DSCAML1: variants seen among roughly 807,000 people sequenced by gnomAD.
DSCAML1 encodes the protein cell adhesion molecule DSCAML1.
Under a neutral mutation model 200.5 loss-of-function variants are expected in DSCAML1, and 38 were observed. The ratio of observed to expected loss-of-function variants is 0.19; its 90% CI spans 0.15 to 0.25. The LOEUF (loss-of-function observed/expected upper bound fraction) is 0.25. DSCAML1 is among the 10% of genes least tolerant of loss of function. DSCAML1 has a pLI of 1.00. For synonymous variants in DSCAML1, 1,215 were observed against 1,165.0 expected (o/e 1.04, Z -0.87); for missense variants, 2,223 against 2,858.8 (o/e 0.78, Z 5.07).
At chr11:117,583,987 C>T (rs563324474) in intron 3 of DSCAML1, among the ~76,000 whole-genome samples, 2 of 152,328 alleles carry the variant, frequency 1.3e-5, no homozygotes, top group South Asian at 2.1e-4. Flanking sequence ...TACCCCTGTA[C>T]ACGGCCTGCA....
Position 117,481,279 on chromosome 11 carries a change from C to T in DSCAML1, c.2560-9G>A, listed in dbSNP as rs763784875. On this transcript the variant is annotated splice_polypyrimidine_tract_variant and intron_variant, in intron 12 of 32. Transcript: ENST00000651296. ...CGGTCAGCGGGCTTGAGCTGGGAGA[C>T]CACCAGCAGGGGCAGGAGAGGGAGT... is the stretch of plus-strand genomic sequence containing the variant. The T allele has an allele frequency of 6.9e-5, 111 of 1,613,340 alleles. No individual in the cohort carries two copies. The Admixed American group carries it at 1.8e-3, about 26-fold the overall frequency.
At chr11:117,750,003 T>C (rs967913889) in intron 3 of DSCAML1, among the ~76,000 whole-genome samples, 4 of 152,210 alleles carry the variant, frequency 2.6e-5, no homozygotes, top group Admixed American at 6.5e-5. Flanking sequence ...TAGGATTTGA[T>C]CTGGGTGATG....
chr11:117,441,693 C>G (rs986481669), intron 21 of DSCAML1, among the ~76,000 whole-genome samples: 1 of 151,954 alleles, frequency 6.6e-6, no homozygotes, highest in African/African-American at 2.4e-5. Context: ...AGTGAGGGAG[C>G]AGCTGAGAGG....
At chr11:117,726,188 T>A (rs1004909737) in intron 3 of DSCAML1, among the ~76,000 whole-genome samples, 5 of 152,192 alleles carry the variant, frequency 3.3e-5, no homozygotes, top group African/African-American at 1.2e-4. Flanking sequence ...CTCAGTTTCC[T>A]CATCTAGAAA....
At chr11:117,770,156 ATCC>A (rs2055011417) in intron 3 of DSCAML1, among the ~76,000 whole-genome samples, 1 of 152,180 alleles carries the variant, frequency 6.6e-6, no homozygotes, top group Non-Finnish European at 1.5e-5. Context: ...GTCCTGCGGT[ATCC>A]TCCTCTTTGT....
intron 3 of DSCAML1, among the ~76,000 whole-genome samples, chr11:117,534,087 G>A (rs1479341859): frequency 6.6e-6 from 1 of 152,246 alleles, no homozygotes; most frequent in Non-Finnish European, 1.5e-5. Flanking sequence ...ATTTTGGGCA[G>A]TTCCATGCCC....
chr11:117,602,012 T>C (rs2051474568), intron 3 of DSCAML1, among the ~76,000 whole-genome samples: 1 of 152,246 alleles, frequency 6.6e-6, no homozygotes, highest in East Asian at 1.9e-4. Context: ...TCCCTGCTGC[T>C]GTAATGAGGC....
intron 11 of DSCAML1, among the ~76,000 whole-genome samples, chr11:117,502,369 A>T (rs2049411816): frequency 6.6e-6 from 1 of 152,198 alleles, no homozygotes; most frequent in Non-Finnish European, 1.5e-5. Context: ...AGTTTGGGAG[A>T]TGAGGAGGGT....
At chr11:117,549,241 G>A (rs971601133) in intron 3 of DSCAML1, among the ~76,000 whole-genome samples, 7 of 152,224 alleles carry the variant, frequency 4.6e-5, no homozygotes, top group Admixed American at 2.0e-4. Context: ...GGAGCAGCAG[G>A]TGGGCTCATT....
At chr11:117,732,821 C>T (rs1348755715) in intron 3 of DSCAML1, among the ~76,000 whole-genome samples, 1 of 151,834 alleles carries the variant, frequency 6.6e-6, no homozygotes, top group African/African-American at 2.4e-5. Context: ...ATTATTATTG[C>T]ATGTAAATTA....
chr11:117,579,542 G>A (rs541680971), intron 3 of DSCAML1, among the ~76,000 whole-genome samples: 1 of 152,332 alleles, frequency 6.6e-6, no homozygotes, highest in Admixed American at 6.5e-5. Context: ...TCTGCAGACA[G>A]GCCTTCCCTG....
intron 1 of DSCAML1, among the ~76,000 whole-genome samples, chr11:117,792,445 C>T (rs937621277): frequency 4.6e-5 from 7 of 152,274 alleles, no homozygotes; most frequent in South Asian, 4.1e-4. Flanking sequence ...GCTCTTGACA[C>T]GCCCTTCCCT....
At chr11:117,507,828 T>G (rs1232924239) in intron 8 of DSCAML1, among the ~76,000 whole-genome samples, 2 of 152,224 alleles carry the variant, frequency 1.3e-5, no homozygotes, top group Non-Finnish European at 2.9e-5. Flanking sequence ...GGTCATGGCC[T>G]GGACCACCTC....
intron 3 of DSCAML1, among the ~76,000 whole-genome samples, chr11:117,605,734 G>A (rs1426679373): frequency 6.6e-6 from 1 of 152,180 alleles, no homozygotes; most frequent in East Asian, 1.9e-4. Flanking sequence ...CTGTCTGGGT[G>A]AACACCTCCT....
rs183952721 is a variant in DSCAML1, at chr11:117,651,846, C to T, written c.512-119324G>A. On this transcript the variant is annotated intron_variant, in intron 3 of 32. Coordinates refer to ENST00000651296, the MANE Select transcript of DSCAML1 (RefSeq NM_020693.4). ...AGCCCTTCAAGACAGATGTCATCCC[C>T]GATGTCTCCCCGAGCCTCTGCAGAA... 2.4e-3 allele frequency among the ~76,000 whole-genome samples: 367 copies of T among 152,214 alleles called. 3 individuals are homozygous for T. The highest frequency in any genetic ancestry group is 4.4e-3 in the Non-Finnish European group (297 of 68,012).
At chr11:117,548,550 G>A (rs888368331) in intron 3 of DSCAML1, among the ~76,000 whole-genome samples, 5 of 152,316 alleles carry the variant, frequency 3.3e-5, no homozygotes, top group Non-Finnish European at 7.4e-5. Context: ...TGGGACCCAG[G>A]AGGGCCTCAA....
At chr11:117,551,290 C>G (rs1707617568) in intron 3 of DSCAML1, among the ~76,000 whole-genome samples, 1 of 152,232 alleles carries the variant, frequency 6.6e-6, no homozygotes, top group African/African-American at 2.4e-5. Context: ...TCCAATCCCA[C>G]TAAACTCCAG....
At position 117,598,393 on chromosome 11, in the gene DSCAML1, G is replaced by C. The variant is rs926331039; in HGVS notation, c.512-65871C>G. Among the ~76,000 whole-genome samples, 3 of 152,168 alleles carry C rather than the reference G, an allele frequency of 2.0e-5. 1 individual carries two copies. Among genetic ancestry groups the C allele is most frequent in the Admixed American group, 2.0e-4 (3 of 15,276 alleles). ...GGAATTCGTTCATTAACTTGCCCAAGGTTGAAGAGCAAAGGAAGCATTAGA... is the reference window on the plus strand; with the variant it reads ...GGAATTCGTTCATTAACTTGCCCAACGTTGAAGAGCAAAGGAAGCATTAGA... On this transcript the variant is annotated intron_variant, in intron 3 of 32. Transcript: ENST00000651296.
intron 3 of DSCAML1, among the ~76,000 whole-genome samples, chr11:117,557,032 C>G (rs2050570576): frequency 6.6e-6 from 1 of 152,152 alleles, no homozygotes; most frequent in Admixed American, 6.5e-5. Flanking sequence ...CACACAGGAC[C>G]AGGCAGGATG....
Sources: allele counts gnomAD v4.1 joint callset (sites outside exome capture counted in the v4.1 genomes callset), GRCh38; gene constraint gnomAD v4.1.1; transcripts MANE v1.5; gene names NCBI Gene and HGNC (gene_info 2026-07-23, HGNC 2026-07-21).